EFEMP1: variants seen among roughly 807,000 people sequenced by gnomAD.
The protein encoded by EFEMP1 is EGF-like fibulin extracellular matrix protein 1.
Under a neutral mutation model 65.7 loss-of-function variants are expected in EFEMP1, and 18 were observed. The observed-to-expected ratio is 0.27, with a 90% CI of 0.19 to 0.41. The LOEUF is 0.41. EFEMP1 is among the 10% of genes least tolerant of loss of function. The pLI is 1.00. For missense variants in EFEMP1, 469 were observed against 624.8 expected (o/e 0.75, Z 2.66); for synonymous variants, 237 against 219.7 (o/e 1.08, Z -0.70).
intron 8 of EFEMP1, among the ~76,000 whole-genome samples, 172 bp from the exon 9 acceptor site, chr2:55,875,237 A>T (rs2104379959): frequency 6.7e-6 from 1 of 148,492 alleles, no homozygotes; most frequent in Admixed American, 6.8e-5. Context: ...AGGAAAAATT[A>T]TATCTACCTA....
In EFEMP1 at chr2:55,922,425, A is replaced by G. The variant is rs755079916; in HGVS notation, c.16T>C (p.Phe6Leu). 140 of 1,613,734 alleles carry G rather than the reference A, an allele frequency of 8.7e-5. No individual in the cohort carries two copies. The highest frequency in any genetic ancestry group is 3.9e-5 in the Non-Finnish European group (46 of 1,179,816). MLKAL[F>L]LTMLTLALVK... is the part of the protein sequence containing the mutation. ...AGCGCCAGAGTCAGCATAGTTAGGA[A>G]AAGGGCTTTCAACATTGTGAATCTC... The change falls in exon 3 of 12, where the codon TTC becomes CTC. Residue 6 changes from phenylalanine (F) to leucine (L), a missense_variant. Transcript: ENST00000355426. The surrounding 1 kb of genome is among the most constrained non-coding windows in gnomAD (Gnocchi z 5.5).
In EFEMP1 at chr2:55,919,984, T is replaced by C. The variant is rs1414001854; in HGVS notation, c.82-1717A>G. Among the ~76,000 whole-genome samples the C allele has an allele frequency of 6.6e-6, 1 of 152,200 alleles. No homozygotes were observed. The highest frequency in any genetic ancestry group is 1.5e-5 in the Non-Finnish European group (1 of 68,036). ...CTCTACATGCTGCATACAGACCCCA[T>C]GATCTTTCTTGTGCTCTTGGTTATG... is the stretch of plus-strand genomic sequence containing the variant. On this transcript the variant is annotated intron_variant, in intron 3 of 11. Transcript: ENST00000355426. This position sits in a 1 kb window ranked among gnomAD's most constrained non-coding sequence, Gnocchi z 4.5.
chr2:55,916,526 A>G (rs1479110353), intron 5 of EFEMP1, among the ~76,000 whole-genome samples: 1 of 152,362 alleles, frequency 6.6e-6, no homozygotes, highest in East Asian at 1.9e-4. Context: ...CTTTCATTTA[A>G]TGTAGCAGCT....
At chr2:55,880,437 G>C (rs773267790) in intron 6 of EFEMP1, among the ~76,000 whole-genome samples, 19 of 152,144 alleles carry the variant, frequency 1.2e-4, no homozygotes, top group Non-Finnish European at 2.6e-4. Context: ...TATCTCTGGA[G>C]TTTTCTACAC....
chr2:55,917,567 C>G lies in EFEMP1; in HGVS notation c.517+98G>C. On this transcript the variant is annotated intron_variant, in intron 5 of 11. Transcript: ENST00000355426. This position sits in a 1 kb window ranked among gnomAD's most constrained non-coding sequence, Gnocchi z 6.3. ...GCAGACAAAGCACTTAGCATGATGTCTGGCACGCGAGAAGTCCTTAATAAA... is the reference window on the plus strand; with the variant it reads ...GCAGACAAAGCACTTAGCATGATGTGTGGCACGCGAGAAGTCCTTAATAAA... 6.8e-7 allele frequency: 1 copy of G among 1,478,456 alleles called. No homozygotes were observed. Among genetic ancestry groups the G allele is most frequent in the East Asian group, 2.3e-5 (1 of 44,184 alleles). 91.6% of individuals were successfully genotyped at this position (1,478,456 alleles called of 1,614,324 possible).
At chr2:55,882,269 T>C (rs1669268904) in intron 5 of EFEMP1, among the ~76,000 whole-genome samples, 1 of 152,226 alleles carries the variant, frequency 6.6e-6, no homozygotes, top group African/African-American at 2.4e-5. Flanking sequence ...TTTAATATTA[T>C]ACGTTCCCTG....
At chr2:55,914,324 G>A (rs1670594261) in intron 5 of EFEMP1, among the ~76,000 whole-genome samples, 1 of 152,104 alleles carries the variant, frequency 6.6e-6, no homozygotes, top group Admixed American at 6.6e-5. Context: ...AAAAAAACCT[G>A]CTCACTGTGA....
Position 55,868,718 on chromosome 2 carries a change from A to G in EFEMP1, c.1321-1484T>C, listed in dbSNP as rs146384482. Reference sequence around the variant, plus strand: ...CCCCACTTCTATTTTCATAGATGTTAACTTTTTCTACACAATAATATTTAA... The same window carrying G: ...CCCCACTTCTATTTTCATAGATGTTGACTTTTTCTACACAATAATATTTAA... On this transcript the variant is annotated intron_variant, in intron 11 of 11. Transcript: ENST00000355426. Among the ~76,000 whole-genome samples, 752 of 152,246 alleles carry G rather than the reference A, an allele frequency of 4.9e-3. 5 individuals are homozygous for G. The highest frequency in any genetic ancestry group is 0.017 in the African/African-American group (718 of 41,542).
chr2:55,895,457 T>G (rs2104415173), intron 5 of EFEMP1, among the ~76,000 whole-genome samples: 1 of 152,040 alleles, frequency 6.6e-6, no homozygotes, highest in Non-Finnish European at 1.5e-5. Context: ...CAGTAAAGAC[T>G]CCCCTTGGGG....
At chr2:55,879,781 A>C (rs1036607745) in intron 6 of EFEMP1, among the ~76,000 whole-genome samples, 4 of 152,192 alleles carry the variant, frequency 2.6e-5, no homozygotes, top group Non-Finnish European at 5.9e-5. Flanking sequence ...ATAAATACAG[A>C]AACTGAGAGT....
intron 5 of EFEMP1, among the ~76,000 whole-genome samples, chr2:55,901,252 T>G (rs1670020416): frequency 6.6e-6 from 1 of 152,230 alleles, no homozygotes; most frequent in Non-Finnish European, 1.5e-5. Flanking sequence ...GTTTATTAAA[T>G]GTCTTTTATG....
rs1203361642 is a variant in EFEMP1 at position 55,870,647 on chromosome 2, A to C, written c.1320+73T>G. The C allele has an allele frequency of 6.6e-7, 1 of 1,518,348 alleles. No individual in the cohort carries two copies. The highest frequency in any genetic ancestry group is 1.7e-5 in the African/African-American group (1 of 58,820). The allele number at this position is 1,518,348 out of a possible 1,614,324, so 94.1% of individuals were successfully genotyped here. ...TCCTTCCACATGTGGATACCACACA[A>C]CAACAACAACAACAACAACAACAAC... On this transcript the variant is annotated intron_variant, in intron 11 of 11. Coordinates refer to ENST00000355426, the MANE Select transcript of EFEMP1 (RefSeq NM_001039348.3). This position sits in a 1 kb window ranked among gnomAD's most constrained non-coding sequence, Gnocchi z 5.8.
chr2:55,910,255 ATTC>A (rs1452843552), intron 5 of EFEMP1, among the ~76,000 whole-genome samples: 1 of 152,144 alleles, frequency 6.6e-6, no homozygotes, highest in East Asian at 1.9e-4. Flanking sequence ...CAAACCTGCA[ATTC>A]TTTTTAAATT....
intron 5 of EFEMP1, among the ~76,000 whole-genome samples, chr2:55,882,021 A>G (rs901289949): frequency 2.0e-5 from 3 of 152,000 alleles, no homozygotes; most frequent in African/African-American, 7.2e-5. Flanking sequence ...GCCTCACACC[A>G]TCCTCATCCC....
rs141765855 is a variant in EFEMP1 at position 55,893,909 on chromosome 2, C to T, written c.518-12175G>A. ...ATGGTATGACCTTCCCCTCCTTTGG[C>T]ATATTCCAGATGAATGGATACAAGA... is the stretch of plus-strand genomic sequence containing the variant. On this transcript the variant is annotated intron_variant, in intron 5 of 11. Transcript: ENST00000355426. Among the ~76,000 whole-genome samples, 171 of 152,304 alleles carry T rather than the reference C, an allele frequency of 1.1e-3. 1 individual carries two copies. Among genetic ancestry groups the T allele is most frequent in the African/African-American group, 3.8e-3 (160 of 41,566 alleles).
chr2:55,900,157 A>G (rs1372143373), intron 5 of EFEMP1, among the ~76,000 whole-genome samples: 3 of 152,212 alleles, frequency 2.0e-5, no homozygotes, highest in Non-Finnish European at 4.4e-5. Flanking sequence ...GTCATTTTAG[A>G]GTTGGTGATG....
rs143547744 is a variant in EFEMP1, at chr2:55,921,150, G to T, written c.81+1210C>A. ...GAATTTAATTTTAGCTCCCTGAGAA[G>T]GCAGTAAGTTTAGTCTGAATAACAA... On this transcript the variant is annotated intron_variant, in intron 3 of 11. Coordinates refer to ENST00000355426, the MANE Select transcript of EFEMP1 (RefSeq NM_001039348.3). This position sits in a 1 kb window ranked among gnomAD's most constrained non-coding sequence, Gnocchi z 4.1. Among the ~76,000 whole-genome samples, 424 of 152,324 alleles carry T rather than the reference G, an allele frequency of 2.8e-3. 3 individuals are homozygous for T. Among genetic ancestry groups the T allele is most frequent in the African/African-American group, 9.8e-3 (408 of 41,568 alleles).
In EFEMP1 at chr2:55,917,503, C is replaced by G. The variant is rs1038449463; in HGVS notation, c.517+162G>C. Among the ~76,000 whole-genome samples, 1 of 152,176 alleles carries G rather than the reference C, an allele frequency of 6.6e-6. No individual in the cohort carries two copies. Among genetic ancestry groups the G allele is most frequent in the Non-Finnish European group, 1.5e-5 (1 of 68,024 alleles). ...TGTAAAGCAATGATGACAACTACAG[C>G]AACTACCCTTTAGGAATATTGTGAT... On this transcript the variant is annotated intron_variant, in intron 5 of 11. Transcript: ENST00000355426. This position sits in a 1 kb window ranked among gnomAD's most constrained non-coding sequence, Gnocchi z 6.3.
At chr2:55,915,594 A>T (rs1670647701) in intron 5 of EFEMP1, among the ~76,000 whole-genome samples, 2 of 152,106 alleles carry the variant, frequency 1.3e-5, no homozygotes, top group Admixed American at 1.3e-4. Flanking sequence ...CGGTCTACAA[A>T]CTACTTTGGG....
Sources: allele counts gnomAD v4.1 joint callset (sites outside exome capture counted in the v4.1 genomes callset), GRCh38; gene constraint gnomAD v4.1.1; non-coding constraint Gnocchi (gnomAD v3.1); transcripts MANE v1.5; gene names NCBI Gene and HGNC (gene_info 2026-07-23, HGNC 2026-07-21).